The following ARSG variants were observed in gnomAD, a reference collection of about 807,000 sequenced individuals.
ARSG encodes the protein arylsulfatase G, also known as ASG.
Under a neutral mutation model 50.5 loss-of-function variants are expected in ARSG, and 37 were observed. The ratio of observed to expected loss-of-function variants is 0.73; its 90% CI spans 0.56 to 0.96. ARSG has a LOEUF of 0.96. Ranked by LOEUF, ARSG falls within the 50% of genes least tolerant of loss-of-function variation. The pLI is 0.00. For missense variants in ARSG, 629 were observed against 675.3 expected, an observed-to-expected ratio of 0.93 and a Z score of 0.76; for synonymous variants, 225 against 254.6, an observed-to-expected ratio of 0.88 and a Z score of 1.11.
rs146126268 is a variant in ARSG, at chr17:68,372,182, A to G, written c.982+1658A>G. ...TCTGGGACTGTGTATTAGTCCACAG[A>G]CTAATACACACAATCGCACCATTCT... On this transcript the variant is annotated intron_variant, in intron 8 of 11. Coordinates refer to ENST00000621439, the MANE Select transcript of ARSG (RefSeq NM_001267727.2). Among the ~76,000 whole-genome samples, 131 of 152,316 alleles carry G rather than the reference A, an allele frequency of 8.6e-4. 1 individual carries two copies. The highest frequency in any genetic ancestry group is 3.1e-3 in the African/African-American group (128 of 41,576).
At chr17:68,323,319 A>G (rs1157735183) in intron 2 of ARSG, among the ~76,000 whole-genome samples, 3 of 152,210 alleles carry the variant, frequency 2.0e-5, no homozygotes, top group African/African-American at 7.2e-5. Flanking sequence ...TGAGAAGTCA[A>G]TGAAAACTAG....
intron 6 of ARSG, among the ~76,000 whole-genome samples, chr17:68,366,056 G>A (rs2079530147): frequency 6.6e-6 from 1 of 151,952 alleles, no homozygotes; most frequent in African/African-American, 2.4e-5. Context: ...CCCTGCCTCA[G>A]CCTCCCGAGT....
chr17:68,344,731 A>C (rs894790274), intron 3 of ARSG, among the ~76,000 whole-genome samples: 2 of 152,196 alleles, frequency 1.3e-5, no homozygotes, highest in African/African-American at 4.8e-5. Flanking sequence ...TGTGTTTGTT[A>C]GTCTAACTCT....
intron 1 of ARSG, chr17:68,278,258 T>A: frequency 6.2e-7 from 1 of 1,614,198 alleles, no homozygotes; most frequent in Non-Finnish European, 8.5e-7. Flanking sequence ...AGCCCCATCC[T>A]CCATCAGGCA....
chr17:68,336,609 T>C (rs2078032794), intron 2 of ARSG, among the ~76,000 whole-genome samples: 1 of 152,098 alleles, frequency 6.6e-6, no homozygotes, highest in Non-Finnish European at 1.5e-5. Flanking sequence ...TCCCAGCACT[T>C]TGGGAGGCCA....
In ARSG at chr17:68,395,513, G is replaced by A. The variant is rs111945978; in HGVS notation, c.1212+320G>A. Among the ~76,000 whole-genome samples the A allele has an allele frequency of 2.0e-3, 301 of 152,220 alleles. 2 individuals are homozygous for A. Among genetic ancestry groups the A allele is most frequent in the African/African-American group, 6.8e-3 (283 of 41,540 alleles). The stretch of plus-strand genomic sequence containing the variant: ...TGAGGCAGCAGAATCGCTTGAACCC[G>A]GGAGGCAGAGGTTGCCGCCAGCAAG... On this transcript the variant is annotated intron_variant, in intron 10 of 11. Transcript: ENST00000621439.
chr17:68,267,035 A>T (rs2075180573), intron 1 of ARSG: 1 of 152,220 alleles, frequency 6.6e-6, no homozygotes, highest in Admixed American at 6.5e-5. Context: ...GTCTCTTTAA[A>T]TAAAAAATCC....
intron 2 of ARSG, among the ~76,000 whole-genome samples, chr17:68,332,419 A>C (rs967046427): frequency 6.6e-6 from 1 of 152,118 alleles, no homozygotes; most frequent in Admixed American, 6.6e-5. Context: ...TGCAATCATC[A>C]CAGGGTCCTG....
chr17:68,298,594 CAAAAAAAAAAAA>C (rs562725952), intron 1 of ARSG, among the ~76,000 whole-genome samples: 1 of 64,852 alleles, frequency 1.5e-5, no homozygotes, highest in East Asian at 4.5e-4. Flanking sequence ...GATCCTGTCT[CAAAAAAAAAAAA>C]AAAAAAAAAA....
At chr17:68,341,385 C>T (rs531129164) in intron 2 of ARSG, among the ~76,000 whole-genome samples, 4 of 152,304 alleles carry the variant, frequency 2.6e-5, no homozygotes, top group Admixed American at 6.5e-5. Flanking sequence ...TACTTGCTTT[C>T]CCCCTCCACA....
Position 68,385,020 on chromosome 17 carries a change from A to G in ARSG, c.983-44A>G, listed in dbSNP as rs762205120. 4 of 1,525,922 alleles carry G rather than the reference A, an allele frequency of 2.6e-6. No homozygotes were observed. In the East Asian group the frequency reaches 6.7e-5, roughly 26 times the overall value. The allele number at this position is 1,525,922 out of a possible 1,614,324, so 94.5% of individuals were successfully genotyped here. On this transcript the variant is annotated intron_variant, in intron 8 of 11. Coordinates refer to ENST00000621439, the MANE Select transcript of ARSG (RefSeq NM_001267727.2). ...AGCTCTTAGCTGAAAAGAAGTCTCG[A>G]GTTATCACCATGGATGAACCAGCTG...
intron 6 of ARSG, among the ~76,000 whole-genome samples, chr17:68,364,731 A>G (rs549607960): frequency 6.6e-6 from 1 of 152,160 alleles, no homozygotes; most frequent in Non-Finnish European, 1.5e-5. Flanking sequence ...GGTTTTATTA[A>G]GGTATAGTTG....
the ARSG span, chr17:68,433,623 T>C: frequency 6.8e-7 from 1 of 1,479,352 alleles, no homozygotes; most frequent in Non-Finnish European, 9.4e-7. Context: ...AAATGGGAGT[T>C]ATGGCCTTAT....
At chr17:68,337,993 G>T (rs1441488327) in intron 2 of ARSG, among the ~76,000 whole-genome samples, 1 of 152,114 alleles carries the variant, frequency 6.6e-6, no homozygotes, top group African/African-American at 2.4e-5. Context: ...TCTGTTTCAG[G>T]CAGGTCTCCG....
At chr17:68,451,728 CCCT>C in the ARSG span, among the ~76,000 whole-genome samples, 1 of 152,176 alleles carries the variant, frequency 6.6e-6, no homozygotes, top group Admixed American at 6.5e-5. Context: ...TCCCCCCACC[CCCT>C]ATCTTGCTGT....
chr17:68,314,699 A>G (rs1449930748), intron 2 of ARSG, among the ~76,000 whole-genome samples: 3 of 152,136 alleles, frequency 2.0e-5, no homozygotes, highest in African/African-American at 7.2e-5. Context: ...AGAGTGTCTC[A>G]TAAAAAAAAT....
At chr17:68,312,591 T>A (rs1555767164) in intron 2 of ARSG, among the ~76,000 whole-genome samples, 7 of 152,058 alleles carry the variant, frequency 4.6e-5, no homozygotes. Flanking sequence ...AGATGCCAAA[T>A]GTGGTTCGTT....
At chr17:68,274,237 C>T (rs1046479123) in intron 1 of ARSG, 5 of 607,806 alleles carry the variant, frequency 8.2e-6, no homozygotes, top group Admixed American at 3.1e-5. Flanking sequence ...AGGTTGAGGA[C>T]GGAGGATCGC....
At chr17:68,359,490 G>T (rs547216799) in intron 6 of ARSG, 8 of 152,230 alleles carry the variant, frequency 5.3e-5, no homozygotes, top group African/African-American at 1.7e-4. Flanking sequence ...CCTCCTAGGA[G>T]ATTCCACTCC....
Sources: allele counts gnomAD v4.1 joint callset (sites outside exome capture counted in the v4.1 genomes callset), GRCh38; gene constraint gnomAD v4.1.1; transcripts MANE v1.5; gene names NCBI Gene and HGNC (gene_info 2026-07-23, HGNC 2026-07-21).